Variants in PIWIL1 observed in about 807,000 individuals in gnomAD.
PIWIL1 encodes the protein piwi like RNA-mediated gene silencing 1, also known as piwi-like protein 1.
PIWIL1 carries 73 observed loss-of-function variants against 114.4 expected under a neutral mutation model. The observed-to-expected ratio is 0.64, with a 90% CI of 0.53 to 0.78. The LOEUF (loss-of-function observed/expected upper bound fraction) is 0.78, where lower values mean the gene tolerates loss of function less well. Among genes scored for constraint, PIWIL1 ranks in the 30% least tolerant of loss-of-function variants. The pLI, the probability that PIWIL1 is intolerant of heterozygous loss-of-function variation, is 0.00. For synonymous variants in PIWIL1, 375 were observed against 369.0 expected, an observed-to-expected ratio of 1.02 and a Z score of -0.19; for missense variants, 723 against 1,063.1, an observed-to-expected ratio of 0.68 and a Z score of 4.45.
At chr12:130,380,659 TA>T in the PIWIL1 span, among the ~76,000 whole-genome samples, 1 of 152,262 alleles carries the variant, frequency 6.6e-6, no homozygotes, top group South Asian at 2.1e-4. Flanking sequence ...ATAGCTTTTT[TA>T]TACTTGTCCA....
chr12:130,346,331 C>G, intron 4 of PIWIL1, 39 bp from the exon 5 acceptor site: 1 of 1,468,670 alleles, frequency 6.8e-7, no homozygotes, highest in South Asian at 1.2e-5. Flanking sequence ...GAAAAATAAA[C>G]TTGATATTTT....
chr12:130,419,184 G>T, the PIWIL1 span, among the ~76,000 whole-genome samples: 3 of 152,182 alleles, frequency 2.0e-5, no homozygotes, highest in Non-Finnish European at 4.4e-5. This position sits in a 1 kb window ranked among gnomAD's most constrained non-coding sequence, Gnocchi z 4.3. Flanking sequence ...GCAGTTGGGG[G>T]TCCCTTGTCC....
the PIWIL1 span, among the ~76,000 whole-genome samples, chr12:130,377,683 A>G: frequency 6.6e-6 from 1 of 152,256 alleles, no homozygotes; most frequent in Non-Finnish European, 1.5e-5. Flanking sequence ...CCCATGTGGC[A>G]TAAATGCAAT....
the PIWIL1 span, chr12:130,424,300 G>A: frequency 1.6e-6 from 2 of 1,231,602 alleles, no homozygotes; most frequent in Non-Finnish European, 1.0e-6. This position sits in a 1 kb window ranked among gnomAD's most constrained non-coding sequence, Gnocchi z 9.8. Context: ...TCCGGGCCGG[G>A]CTGGGGGTCG....
chr12:130,403,560 A>T, the PIWIL1 span, among the ~76,000 whole-genome samples: 187 of 152,370 alleles, frequency 1.2e-3, no homozygotes, highest in African/African-American at 4.3e-3. Flanking sequence ...TTAAGCAAAT[A>T]AAAACTTTTG....
chr12:130,409,435 C>T, the PIWIL1 span, among the ~76,000 whole-genome samples: 2 of 150,380 alleles, frequency 1.3e-5, no homozygotes, highest in Admixed American at 6.6e-5. Flanking sequence ...CTCCGCCTCC[C>T]GGGTTCATGC....
intron 4 of PIWIL1, among the ~76,000 whole-genome samples, chr12:130,346,122 GT>G (rs2073062130): frequency 6.6e-6 from 1 of 152,102 alleles, no homozygotes; most frequent in African/African-American, 2.4e-5. Context: ...GATTTAGTTG[GT>G]TTTGTTGCAA....
At chr12:130,407,885 G>A in the PIWIL1 span, 83 of 1,495,440 alleles carry the variant, frequency 5.6e-5, no homozygotes, top group East Asian at 2.7e-4. Context: ...CAAACTTAGC[G>A]GTGTTCCCCT....
the PIWIL1 span, among the ~76,000 whole-genome samples, chr12:130,387,560 T>G: frequency 1.2e-5 from 1 of 86,780 alleles, no homozygotes; most frequent in Non-Finnish European, 2.3e-5. Context: ...CCTTCCTGTC[T>G]CCATTCACCC....
At chr12:130,409,005 A>T in the PIWIL1 span, among the ~76,000 whole-genome samples, 1 of 151,998 alleles carries the variant, frequency 6.6e-6, no homozygotes, top group African/African-American at 2.4e-5. Flanking sequence ...GGACCTGCAC[A>T]TGTGTGTCTC....
the PIWIL1 span, chr12:130,422,425 A>T: frequency 6.6e-7 from 1 of 1,514,340 alleles, no homozygotes; most frequent in South Asian, 1.1e-5. This position sits in a 1 kb window ranked among gnomAD's most constrained non-coding sequence, Gnocchi z 5.2. Flanking sequence ...CGGCTGAAAG[A>T]CACAACAGCG....
At chr12:130,412,543 CCG>C in the PIWIL1 span, 1 of 1,369,462 alleles carries the variant, frequency 7.3e-7, no homozygotes, top group Admixed American at 1.9e-5. Flanking sequence ...CTCCTCATCA[CCG>C]CCTGCCTCTC....
At chr12:130,422,236 G>A in the PIWIL1 span, among the ~76,000 whole-genome samples, 1 of 152,196 alleles carries the variant, frequency 6.6e-6, no homozygotes, top group Non-Finnish European at 1.5e-5. The surrounding 1 kb of genome is among the most constrained non-coding windows in gnomAD (Gnocchi z 5.2). Context: ...AATCAGCTGG[G>A]AGAACATGGA....
chr12:130,339,041 CCGCGGGG>C (rs2072816007), intron 1 of PIWIL1, among the ~76,000 whole-genome samples: 1 of 152,012 alleles, frequency 6.6e-6, no homozygotes, highest in African/African-American at 2.4e-5. Flanking sequence ...ACCCACGCGG[CCGCGGGG>C]CGCGATCTCT....
chr12:130,415,959 C>CCACACACA, the PIWIL1 span, among the ~76,000 whole-genome samples: 93 of 81,570 alleles, frequency 1.1e-3, no homozygotes, highest in African/African-American at 5.4e-3. Context: ...TTGACAATAG[C>CCACACACA]CACACACACA....
intron 14 of PIWIL1, among the ~76,000 whole-genome samples, chr12:130,359,214 A>G (rs2136171606): frequency 6.6e-6 from 1 of 152,338 alleles, no homozygotes; most frequent in South Asian, 2.1e-4. Context: ...AAATAGAGCC[A>G]GACTCATTGT....
At position 130,346,570 on chromosome 12, in the gene PIWIL1, A is replaced by C. The variant is rs1456609468; in HGVS notation, c.517A>C (p.Arg173=). The change falls in exon 5 of 21, where the codon AGA becomes CGA. Residue 173 remains arginine (R), a synonymous_variant. Coordinates refer to ENST00000245255, the MANE Select transcript of PIWIL1 (RefSeq NM_004764.5). The part of the protein sequence containing the change: ...FDGTILFLPK[R]LQQKVTEVFS... Reference sequence around the variant, plus strand: ...TGGAACGATATTATTTTTACCTAAAAGACTACAGCAAAAGGTTATTTGGGA... The same window carrying C: ...TGGAACGATATTATTTTTACCTAAACGACTACAGCAAAAGGTTATTTGGGA... 7 of 1,612,756 alleles carry C rather than the reference A, an allele frequency of 4.3e-6. No homozygotes were observed. The highest frequency in any genetic ancestry group is 4.2e-6 in the Non-Finnish European group (5 of 1,178,990).
the PIWIL1 span, chr12:130,406,187 T>C: frequency 1.3e-6 from 2 of 1,581,658 alleles, no homozygotes; most frequent in Non-Finnish European, 1.7e-6. Context: ...AAAATCCATC[T>C]TCATCAATTT....
chr12:130,355,046 G>C (rs775729829), intron 11 of PIWIL1, 41 bp downstream of exon 11: 1 of 1,270,696 alleles, frequency 7.9e-7, no homozygotes. Context: ...TCAGTTTTGT[G>C]TTTAGTATTT....
Sources: gnomAD v4.1 joint callset for allele counts (sites outside exome capture counted in the v4.1 genomes callset) on GRCh38, gnomAD v4.1.1 for gene constraint, Gnocchi (gnomAD v3.1) non-coding constraint, MANE v1.5 for transcripts, NCBI Gene and HGNC (gene_info 2026-07-23, HGNC 2026-07-21) for gene names.